The following RAP1GAP2 variants were observed in gnomAD, a reference collection of about 807,000 sequenced individuals.
RAP1GAP2 encodes rap1 GTPase-activating protein 2.
Under a neutral mutation model 95.0 loss-of-function variants are expected in RAP1GAP2, and 27 were observed. The ratio of observed to expected loss-of-function variants is 0.28; its 90% CI spans 0.21 to 0.39. RAP1GAP2 has a LOEUF of 0.39. Ranked by LOEUF, RAP1GAP2 falls within the 10% of genes least tolerant of loss-of-function variation. The pLI is 1.00. For synonymous variants in RAP1GAP2, 373 were observed against 380.9 expected (o/e 0.98, Z 0.24); for missense variants, 771 against 970.0 (o/e 0.79, Z 2.72).
At chr17:3,013,627 CTTTTCTTTTTTTTTTTT>C (rs2046645974) in intron 17 of RAP1GAP2, among the ~76,000 whole-genome samples, 1 of 78,930 alleles carries the variant, frequency 1.3e-5, no homozygotes, top group South Asian at 4.2e-4. Flanking sequence ...CTTTTCTTTT[CTTTTCTTTTTTTTTTTT>C]TTTTTTTTTG....
At chr17:2,909,538 T>A (rs772181286) in intron 3 of RAP1GAP2, among the ~76,000 whole-genome samples, 12 of 152,186 alleles carry the variant, frequency 7.9e-5, no homozygotes, top group Non-Finnish European at 1.6e-4. Context: ...GGATTATTTT[T>A]AACATATTCT....
intron 22 of RAP1GAP2, among the ~76,000 whole-genome samples, chr17:3,030,438 G>C (rs533614635): frequency 6.6e-6 from 1 of 152,168 alleles, no homozygotes; most frequent in African/African-American, 2.4e-5. Flanking sequence ...AATCAATCAA[G>C]TCATGATTTG....
chr17:2,789,546 A>C (rs900568994), intron 1 of RAP1GAP2, among the ~76,000 whole-genome samples: 8 of 145,080 alleles, frequency 5.5e-5, no homozygotes, highest in African/African-American at 2.0e-4. Context: ...AGATCACCTG[A>C]GGTCAGGAGT....
chr17:2,790,404 C>T (rs1282900428), intron 1 of RAP1GAP2, among the ~76,000 whole-genome samples: 1 of 152,150 alleles, frequency 6.6e-6, no homozygotes, highest in Non-Finnish European at 1.5e-5. Flanking sequence ...CAGGCGTGAG[C>T]CACCGCACCC....
chr17:2,760,185 G>A (rs1004712140), intron 1 of RAP1GAP2, among the ~76,000 whole-genome samples: 2 of 150,718 alleles, frequency 1.3e-5, no homozygotes, highest in African/African-American at 4.9e-5. Context: ...CCCAGCTACT[G>A]GGGAGGCTGA....
Position 3,003,319 on chromosome 17 carries a change from C to T in RAP1GAP2, c.1201-2050C>T, listed in dbSNP as rs934967773. ...AGAAATGAGTGTAGTCCTCATCCTG[C>T]CTGCTTGGAAGGAAAGTCCAGCTCA... On this transcript the variant is annotated intron_variant, in intron 14 of 24. Transcript: ENST00000254695. This position sits in a 1 kb window ranked among gnomAD's most constrained non-coding sequence, Gnocchi z 4.1. Among the ~76,000 whole-genome samples the T allele has an allele frequency of 6.6e-6, 1 of 152,104 alleles. No homozygotes were observed. Among genetic ancestry groups the T allele is most frequent in the Non-Finnish European group, 1.5e-5 (1 of 68,026 alleles).
chr17:2,770,843 G>C (rs548912106), intron 2 of RAP1GAP2, among the ~76,000 whole-genome samples: 151 of 152,102 alleles, frequency 9.9e-4, no homozygotes, highest in African/African-American at 3.5e-3. Context: ...GAGTTCAAGA[G>C]CAGCCTGGCC....
In RAP1GAP2 at chr17:3,005,534, G is replaced by T; in HGVS notation, c.1272+94G>T. ...TTGGGATGGAGCCAAATTCAGGCTG[G>T]GAACATTAGGGAGCTCCTTTTGCAG... is the stretch of plus-strand genomic sequence containing the variant. On this transcript the variant is annotated intron_variant, in intron 15 of 24. Coordinates refer to ENST00000254695, the MANE Select transcript of RAP1GAP2 (RefSeq NM_015085.5). The surrounding 1 kb of genome is among the most constrained non-coding windows in gnomAD (Gnocchi z 5.2). The T allele has an allele frequency of 2.9e-6, 4 of 1,361,986 alleles. No individual in the cohort carries two copies. The highest frequency in any genetic ancestry group is 4.2e-6 in the Non-Finnish European group (4 of 950,892). 84.4% of individuals were successfully genotyped at this position (1,361,986 alleles called of 1,614,324 possible).
At chr17:2,956,375 CA>C (rs1361349055) in intron 3 of RAP1GAP2, among the ~76,000 whole-genome samples, 1 of 152,222 alleles carries the variant, frequency 6.6e-6, no homozygotes, top group African/African-American at 2.4e-5. Flanking sequence ...GAGTCAACAG[CA>C]GGGCTGGGTC....
chr17:2,977,932 G>A (rs1411686607), intron 8 of RAP1GAP2, among the ~76,000 whole-genome samples: 2 of 152,020 alleles, frequency 1.3e-5, no homozygotes, highest in Non-Finnish European at 2.9e-5. Flanking sequence ...ATTCATGGGG[G>A]AAATATTCCA....
chr17:2,835,001 A>T lies in RAP1GAP2; in HGVS notation c.80+34451A>T, dbSNP rs2071068025. On this transcript the variant is annotated intron_variant, in intron 2 of 24. Transcript: ENST00000254695. ...GTGGCGTGATCTCTCCTCACTGCACACTCCACCTCCCAGGTTCATGCCATT... is the reference window on the plus strand; with the variant it reads ...GTGGCGTGATCTCTCCTCACTGCACTCTCCACCTCCCAGGTTCATGCCATT... 2.0e-5 allele frequency among the ~76,000 whole-genome samples: 3 copies of T among 151,270 alleles called. No individual in the cohort carries two copies. In the South Asian group the frequency reaches 6.3e-4, roughly 32 times the overall value.
At position 3,004,151 on chromosome 17, in the gene RAP1GAP2, C is replaced by T. The variant is rs1291001864; in HGVS notation, c.1201-1218C>T. Among the ~76,000 whole-genome samples the T allele has an allele frequency of 6.6e-6, 1 of 152,198 alleles. No individual in the cohort carries two copies. Among genetic ancestry groups the T allele is most frequent in the Non-Finnish European group, 1.5e-5 (1 of 68,034 alleles). ...TGACTGAATTCTTGACCTGGGCCACCGGTGCCTGGTGGGTGGTGGTAGGGA... is the reference window on the plus strand; with the variant it reads ...TGACTGAATTCTTGACCTGGGCCACTGGTGCCTGGTGGGTGGTGGTAGGGA... On this transcript the variant is annotated intron_variant, in intron 14 of 24. Transcript: ENST00000254695. The surrounding 1 kb of genome is among the most constrained non-coding windows in gnomAD (Gnocchi z 4.1).
chr17:2,945,783 T>C (rs2043677624), intron 3 of RAP1GAP2, among the ~76,000 whole-genome samples: 1 of 151,994 alleles, frequency 6.6e-6, no homozygotes, highest in South Asian at 2.1e-4. Context: ...TTCTTTTTTT[T>C]TCTTTATTTT....
intron 24 of RAP1GAP2, 41 bp downstream of exon 24, chr17:3,032,490 C>A (rs761693111): frequency 6.3e-7 from 1 of 1,581,198 alleles, no homozygotes; most frequent in Non-Finnish European, 8.7e-7. Flanking sequence ...TGAGGGGGGA[C>A]GTGTGTTTCT....
intron 19 of RAP1GAP2, among the ~76,000 whole-genome samples, chr17:3,024,314 G>T (rs2047039587): frequency 1.3e-5 from 2 of 152,120 alleles, no homozygotes; most frequent in Admixed American, 1.3e-4. Flanking sequence ...ATTGACAGGA[G>T]GTTATTAGCA....
rs561003920 is a variant in RAP1GAP2 at position 2,757,083 on chromosome 17, A to G, written c.50+1316A>G. Among the ~76,000 whole-genome samples the G allele has an allele frequency of 2.4e-3, 361 of 152,336 alleles. 2 individuals carry two copies. Among genetic ancestry groups the G allele is most frequent in the African/African-American group, 8.0e-3 (334 of 41,596 alleles). On this transcript the variant is annotated intron_variant, in intron 1 of 25. Coordinates refer to the RAP1GAP2 transcript ENST00000637138. The stretch of plus-strand genomic sequence containing the variant: ...GAATCACTCTTCAAGTGAAGCTCCA[A>G]TAGAGAAACCAGATAAAAGTAGAAT...
intron 16 of RAP1GAP2, 46 bp downstream of exon 16, chr17:3,006,087 C>G: frequency 1.4e-6 from 2 of 1,395,846 alleles, no homozygotes; most frequent in Non-Finnish European, 2.0e-6. Context: ...TGCTGGGCCA[C>G]CTGTTAGCCA....
intron 19 of RAP1GAP2, 54 bp from the exon 20 acceptor site, chr17:3,025,954 G>T (rs2047098628): frequency 1.5e-6 from 2 of 1,336,702 alleles, no homozygotes; most frequent in South Asian, 2.4e-5. Context: ...CCGTGGATGG[G>T]GTGGGGGTTG....
chr17:3,016,505 C>T (rs557103884), intron 17 of RAP1GAP2, among the ~76,000 whole-genome samples: 4 of 152,316 alleles, frequency 2.6e-5, no homozygotes, highest in African/African-American at 4.8e-5. Flanking sequence ...CTGATTAATC[C>T]AGAAGGAGCA....
Sources: allele counts gnomAD v4.1 joint callset (sites outside exome capture counted in the v4.1 genomes callset), GRCh38; gene constraint gnomAD v4.1.1; non-coding constraint Gnocchi (gnomAD v3.1); transcripts MANE v1.5; gene names NCBI Gene and HGNC (gene_info 2026-07-23, HGNC 2026-07-21).